DECR2: variants seen among roughly 807,000 people sequenced by gnomAD.
DECR2 encodes peroxisomal 2,4-dienoyl-CoA reductase [(3E)-enoyl-CoA-producing].
A neutral mutation model predicts 29.2 loss-of-function variants in DECR2; 34 were observed. That is an observed-to-expected ratio of 1.16 (90% CI 0.89 to 1.55). The LOEUF (loss-of-function observed/expected upper bound fraction) is 1.55, where lower values mean the gene tolerates loss of function less well. Among genes scored for constraint, DECR2 ranks in the 40% most tolerant of loss-of-function variants. The probability of loss-of-function intolerance (pLI) is 0.00; values close to 1 mark genes in which losing one functional copy is unlikely to be tolerated. For missense variants in DECR2, 485 were observed against 425.3 expected, an observed-to-expected ratio of 1.14 and a Z score of -1.23; for synonymous variants, 224 against 182.7, an observed-to-expected ratio of 1.23 and a Z score of -1.82.
intron 2 of DECR2, chr16:405,455 A>G (rs1339007570): frequency 6.8e-6 from 8 of 1,178,528 alleles, no homozygotes. Flanking sequence ...TTTTCAGACC[A>G]AAAAGGTGAG....
In DECR2 at chr16:410,109, G is replaced by A. The variant is rs956394263; in HGVS notation, c.338-134G>A. On this transcript the variant is annotated intron_variant, in intron 4 of 8. Coordinates refer to ENST00000219481, the MANE Select transcript of DECR2 (RefSeq NM_020664.4). This position sits in a 1 kb window ranked among gnomAD's most constrained non-coding sequence, Gnocchi z 4.1. The stretch of plus-strand genomic sequence containing the variant: ...CTGGTCATTTTGGAATTTATCCTAG[G>A]GCATGGGTCTCCTCCCTGTGCCACA... 2.3e-6 allele frequency: 3 copies of A among 1,293,788 alleles called. No individual in the cohort carries two copies. Among genetic ancestry groups the A allele is most frequent in the East Asian group, 2.6e-5 (1 of 39,010 alleles). 80.1% of individuals were successfully genotyped at this position (1,293,788 alleles called of 1,614,324 possible). A position where few individuals can be genotyped will look rare whatever the true frequency, so the allele number is the denominator to read the frequency against.
Position 412,391 on chromosome 16 carries a change from T to G in DECR2, c.*502T>G, listed in dbSNP as rs573886893. 1 of 152,354 alleles carries G rather than the reference T, an allele frequency of 6.6e-6. No individual in the cohort carries two copies. The highest frequency in any genetic ancestry group is 2.4e-5 in the African/African-American group (1 of 41,590). 9.4% of individuals were successfully genotyped at this position (152,354 alleles called of 1,614,324 possible). ...GCTACAATCTTGCTAGTGCGTTTTC[T>G]TAAAAGATAATCTATTTACTGTAAA... On this transcript the variant is annotated 3_prime_UTR_variant, in exon 9 of 9. Coordinates refer to ENST00000219481, the MANE Select transcript of DECR2 (RefSeq NM_020664.4).
intron 8 of DECR2, 77 bp from the exon 9 acceptor site, chr16:411,813 C>A: frequency 2.0e-6 from 1 of 498,546 alleles, no homozygotes; most frequent in South Asian, 3.4e-5. Context: ...CTGGCAGGTG[C>A]TGGGTGGCCG....
intron 4 of DECR2, among the ~76,000 whole-genome samples, chr16:409,263 C>G (rs1449835307): frequency 2.0e-5 from 3 of 152,096 alleles, no homozygotes; most frequent in Non-Finnish European, 4.4e-5. Flanking sequence ...GCTCCGCCTC[C>G]CGGGTTCATG....
In DECR2 at chr16:402,632, CT is replaced by C. The variant is rs553651376; in HGVS notation, c.80+601del. ...CCCTCACTCGGCTAATGGGCGGATC[CT>C]TTTTTTTTTTTCCTTTTCTTTTTTT... is the stretch of plus-strand genomic sequence containing the variant. On this transcript the variant is annotated intron_variant, in intron 1 of 8. Transcript: ENST00000219481. Among the ~76,000 whole-genome samples, 259 of 144,232 alleles carry C rather than the reference CT, an allele frequency of 1.8e-3. 2 individuals carry two copies. Among genetic ancestry groups the C allele is most frequent in the South Asian group, 6.6e-3 (30 of 4,546 alleles). The allele number at this position is 144,232 out of a possible 152,430, so 94.6% of individuals were successfully genotyped here.
intron 3 of DECR2, chr16:406,955 A>C: frequency 9.8e-7 from 1 of 1,023,380 alleles, no homozygotes; most frequent in Non-Finnish European, 1.2e-6. Context: ...GCTTCAGTGT[A>C]AGTGGCCTCC....
In DECR2 at chr16:405,514, G is replaced by A. The variant is rs73494312; in HGVS notation, c.149+490G>A. On this transcript the variant is annotated intron_variant, in intron 2 of 8. Coordinates refer to ENST00000219481, the MANE Select transcript of DECR2 (RefSeq NM_020664.4). ...TTCCACTGGTGGCTTTGTGCTCAGG[G>A]CATCTGAGGACCAGATGGGACATTG... 1.7e-3 allele frequency: 2,273 copies of A among 1,302,330 alleles called. 40 individuals are homozygous for A. The African/African-American group carries it at 0.031, about 18-fold the overall frequency. The allele number at this position is 1,302,330 out of a possible 1,614,324, so 80.7% of individuals were successfully genotyped here.
At position 405,023 on chromosome 16, in the gene DECR2, C is replaced by A. The variant is rs148802661; in HGVS notation, c.148C>A (p.Arg50=). The change falls in exon 2 of 9, where the codon CGG becomes AGG. Residue 50 remains arginine (R), a splice_region_variant and synonymous_variant. Transcript: ENST00000219481. Reference sequence around the variant, plus strand: ...GTTCCGGATTGCTGAGATTTTCATGCGGTGAGACTGCTCTGTGTCCCTTCC... The same window carrying A: ...GTTCCGGATTGCTGAGATTTTCATGAGGTGAGACTGCTCTGTGTCCCTTCC... The part of the protein sequence containing the change: ...IGFRIAEIFM[R]HGCHTVIASR... 3.2e-4 allele frequency: 510 copies of A among 1,614,044 alleles called. No homozygotes were observed. Among genetic ancestry groups the A allele is most frequent in the South Asian group, 1.2e-3 (107 of 91,074 alleles).
At chr16:408,249 G>A (rs528293664) in intron 4 of DECR2, among the ~76,000 whole-genome samples, 25 of 142,876 alleles carry the variant, frequency 1.7e-4, no homozygotes, top group African/African-American at 5.3e-4. Flanking sequence ...CTCTGTCTCC[G>A]GCCCCCTGTC....
Position 407,474 on chromosome 16 carries a change from C to T in DECR2, c.251C>T (p.Ser84Phe), listed in dbSNP as rs371815342. 5.0e-6 allele frequency: 8 copies of T among 1,613,498 alleles called. No individual in the cohort carries two copies. The highest frequency in any genetic ancestry group is 6.8e-6 in the Non-Finnish European group (8 of 1,179,922). ...ACCGGCCGGCGCTGCCTCCCTCTCT[C>T]TATGGACGTCCGAGCGCCCCCAGCT... ...GATGRRCLPL[S>F]MDVRAPPAVM... The change falls in exon 4 of 9, where the codon TCT becomes TTT. Residue 84 changes from serine (S) to phenylalanine (F), a missense_variant. By Grantham distance (155) the Ser-to-Phe change is radical (BLOSUM62 -2). Coordinates refer to ENST00000219481, the MANE Select transcript of DECR2 (RefSeq NM_020664.4).
rs113966685 is a variant in DECR2 at position 405,697 on chromosome 16, C to T, written c.150-649C>T. On this transcript the variant is annotated intron_variant, in intron 2 of 8. Coordinates refer to ENST00000219481, the MANE Select transcript of DECR2 (RefSeq NM_020664.4). ...TTACCAGGGAATTTGTGGGCAGAAG[C>T]GTAGTCTTGGGTGGCTGTGAGACGG... 1.1e-3 allele frequency: 1,092 copies of T among 1,029,882 alleles called. 8 individuals are homozygous for T. The African/African-American group carries it at 0.016, about 15-fold the overall frequency. 63.8% of individuals were successfully genotyped at this position (1,029,882 alleles called of 1,614,324 possible).
At chr16:402,113 G>A (rs1468824583) in intron 1 of DECR2, 70 bp downstream of exon 1, 1 of 1,258,950 alleles carries the variant, frequency 7.9e-7, no homozygotes, top group Non-Finnish European at 1.0e-6. Flanking sequence ...GCGCCCCCAC[G>A]TGGTCCCCGA....
chr16:411,910 C>A lies in DECR2; in HGVS notation c.*21C>A. The A allele has an allele frequency of 3.1e-6, 1 of 317,652 alleles. No individual in the cohort carries two copies. Among genetic ancestry groups the A allele is most frequent in the Non-Finnish European group, 5.8e-6 (1 of 171,886 alleles). 19.7% of individuals were successfully genotyped at this position (317,652 alleles called of 1,614,324 possible). On this transcript the variant is annotated 3_prime_UTR_variant, in exon 9 of 9. Transcript: ENST00000219481. ...TGCAGGAATCTTCCGGCCGCTGCTT[C>A]CTGCCGCCTCACTCAGCCAGGTGGA...
chr16:411,822 C>A, intron 8 of DECR2, 68 bp from the exon 9 acceptor site: 1 of 475,616 alleles, frequency 2.1e-6, no homozygotes, highest in South Asian at 3.8e-5. Context: ...GCTGGGTGGC[C>A]GAGGCAGCCG....
In DECR2 at chr16:407,489, C is replaced by G. The variant is rs750715885; in HGVS notation, c.266C>G (p.Ala89Gly). ...RCLPLSMDVR[A>G]PPAVMAAVDQ... ...CTCCCTCTCTCTATGGACGTCCGAG[C>G]GCCCCCAGCTGTCATGGCCGCCGTG... Residue 89 changes from alanine to glycine, a missense_variant, in exon 4 of 9, where the codon GCG becomes GGG. Coordinates refer to ENST00000219481, the MANE Select transcript of DECR2 (RefSeq NM_020664.4). 1 of 1,613,832 alleles carries G rather than the reference C, an allele frequency of 6.2e-7. No individual in the cohort carries two copies. Among genetic ancestry groups the G allele is most frequent in the South Asian group, 1.1e-5 (1 of 91,090 alleles).
chr16:411,129 G>T, intron 7 of DECR2, 53 bp downstream of exon 7: 1 of 1,430,906 alleles, frequency 7.0e-7, no homozygotes, highest in Non-Finnish European at 9.2e-7. Flanking sequence ...TGGGGCACAG[G>T]GTGCCCATGA....
Position 403,130 on chromosome 16 carries a change from C to T in DECR2, c.80+1087C>T, listed in dbSNP as rs989311831. 3 of 662,082 alleles carry T rather than the reference C, an allele frequency of 4.5e-6. No individual in the cohort carries two copies. In the African/African-American group the frequency reaches 5.9e-5, roughly 13 times the overall value. 41.0% of individuals were successfully genotyped at this position (662,082 alleles called of 1,614,324 possible). On this transcript the variant is annotated intron_variant, in intron 1 of 8. Coordinates refer to ENST00000219481, the MANE Select transcript of DECR2 (RefSeq NM_020664.4). ...TCTCCTGCCTCAGCCTCCCAATTCT[C>T]CTGCTTCAGCCTCAGTGCGCCCAAG...
At chr16:408,932 A>G (rs1344183521) in intron 4 of DECR2, among the ~76,000 whole-genome samples, 1 of 145,982 alleles carries the variant, frequency 6.9e-6, no homozygotes, top group African/African-American at 2.5e-5. Context: ...CCCGGGTTCA[A>G]GCAATTCTCC....
rs920332374 is a variant in DECR2 at position 402,082 on chromosome 16, G to C, written c.80+39G>C. ...GGGAAGCGAGCGCAGCCTTGGTGCGGGGTCCGGTCCGCGGGCGCCGGCGCC... is the reference window on the plus strand; with the variant it reads ...GGGAAGCGAGCGCAGCCTTGGTGCGCGGTCCGGTCCGCGGGCGCCGGCGCC... On this transcript the variant is annotated intron_variant, in intron 1 of 8. Coordinates refer to ENST00000219481, the MANE Select transcript of DECR2 (RefSeq NM_020664.4). 4 of 1,309,660 alleles carry C rather than the reference G, an allele frequency of 3.1e-6. No homozygotes were observed. In the African/African-American group the frequency reaches 6.2e-5, roughly 20 times the overall value. 81.1% of individuals were successfully genotyped at this position (1,309,660 alleles called of 1,614,324 possible).
Sources: gnomAD v4.1 joint callset for allele counts (sites outside exome capture counted in the v4.1 genomes callset) on GRCh38, gnomAD v4.1.1 for gene constraint, Gnocchi (gnomAD v3.1) non-coding constraint, MANE v1.5 for transcripts, NCBI Gene and HGNC (gene_info 2026-07-23, HGNC 2026-07-21) for gene names.